The following FRMD5 variants were observed in gnomAD, a reference collection of about 807,000 sequenced individuals.
FRMD5 encodes the protein FERM domain-containing protein 5.
A neutral mutation model predicts 69.0 loss-of-function variants in FRMD5; 20 were observed. The ratio of observed to expected loss-of-function variants is 0.29; its 90% CI spans 0.20 to 0.42. The LOEUF is 0.42. Ranked by LOEUF, FRMD5 falls within the 10% of genes least tolerant of loss-of-function variation. The pLI is 1.00. For synonymous variants in FRMD5, 271 were observed against 260.1 expected (o/e 1.04, Z -0.40); for missense variants, 595 against 708.6 (o/e 0.84, Z 1.82).
At chr15:43,932,870 C>T (rs956593102) in intron 1 of FRMD5, among the ~76,000 whole-genome samples, 1 of 152,216 alleles carries the variant, frequency 6.6e-6, no homozygotes, top group East Asian at 1.9e-4. Context: ...CAGTCACACA[C>T]AGCTGCTGGC....
chr15:44,025,041 C>T (rs950633421), intron 1 of FRMD5, among the ~76,000 whole-genome samples: 1 of 152,176 alleles, frequency 6.6e-6, no homozygotes, highest in Admixed American at 6.5e-5. Context: ...GCTCTTTCAG[C>T]CTCAACTTCC....
intron 1 of FRMD5, among the ~76,000 whole-genome samples, chr15:44,078,581 C>T (rs1171299548): frequency 7.9e-5 from 12 of 152,146 alleles, no homozygotes; most frequent in Admixed American, 5.9e-4. Context: ...TAAGAACAGA[C>T]ATATAGACCA....
At position 43,874,050 on chromosome 15, in the gene FRMD5, G is replaced by C. The variant is rs150372050; in HGVS notation, c.1548C>G (p.Leu516=). Residue 516 remains leucine, a synonymous_variant, in exon 14 of 14, where the codon CTC becomes CTG. Transcript: ENST00000417257. ...LVTMGLLFVL[L]LLLIILTESD... ...ACTCGGTAAGGATGATCAGGAGGAG[G>C]AGCAAAACAAAGAGGAGTCCCATGG... is the stretch of plus-strand genomic sequence containing the variant. 7 of 1,614,226 alleles carry C rather than the reference G, an allele frequency of 4.3e-6. No homozygotes were observed. Among genetic ancestry groups the C allele is most frequent in the East Asian group, 4.5e-5 (2 of 44,890 alleles).
At chr15:44,086,566 T>C (rs116191957) in intron 1 of FRMD5, among the ~76,000 whole-genome samples, 14 of 152,132 alleles carry the variant, frequency 9.2e-5, no homozygotes, top group Admixed American at 2.6e-4. Context: ...AGGAGAGAAA[T>C]AGGAGTGACT....
intron 1 of FRMD5, among the ~76,000 whole-genome samples, chr15:44,191,897 A>ATT (rs2078199906): frequency 1.6e-4 from 1 of 6,368 alleles, no homozygotes; most frequent in Non-Finnish European, 2.3e-4. Flanking sequence ...TGGTAAATAT[A>ATT]TATATATATA....
chr15:44,180,855 T>TA (rs2077987498), intron 1 of FRMD5, among the ~76,000 whole-genome samples: 1 of 152,160 alleles, frequency 6.6e-6, no homozygotes, highest in African/African-American at 2.4e-5. Flanking sequence ...AGATTATAAT[T>TA]GATAATTATA....
intron 5 of FRMD5, among the ~76,000 whole-genome samples, chr15:43,909,213 G>A (rs940615605): frequency 3.3e-5 from 5 of 151,780 alleles, no homozygotes; most frequent in Non-Finnish European, 5.9e-5. Context: ...TGGCCAACAC[G>A]GTGAAACTCC....
intron 2 of FRMD5, among the ~76,000 whole-genome samples, chr15:43,922,153 C>T (rs771622470): frequency 1.3e-5 from 2 of 152,200 alleles, no homozygotes; most frequent in Non-Finnish European, 2.9e-5. Flanking sequence ...CTTTCAGAGG[C>T]TATCAGTTAT....
At chr15:44,022,306 G>A (rs556225363) in intron 1 of FRMD5, among the ~76,000 whole-genome samples, 16 of 151,840 alleles carry the variant, frequency 1.1e-4, no homozygotes, top group African/African-American at 3.9e-4. Context: ...TTGCTCATGC[G>A]TGTAATCCAG....
chr15:43,983,816 T>G (rs180753924), intron 1 of FRMD5, among the ~76,000 whole-genome samples: 2 of 152,324 alleles, frequency 1.3e-5, no homozygotes, highest in Non-Finnish European at 1.5e-5. Flanking sequence ...AAATGTCATG[T>G]CACTGTGAAA....
chr15:44,106,634 T>A (rs1187251182), intron 1 of FRMD5, among the ~76,000 whole-genome samples: 1 of 152,152 alleles, frequency 6.6e-6, no homozygotes, highest in Non-Finnish European at 1.5e-5. Flanking sequence ...ACCAGTAACA[T>A]AATCACAAGT....
At chr15:43,941,730 C>T (rs1399642610) in intron 1 of FRMD5, among the ~76,000 whole-genome samples, 1 of 152,156 alleles carries the variant, frequency 6.6e-6, no homozygotes, top group African/African-American at 2.4e-5. Context: ...AGAACTGAAA[C>T]TAATTCTGCA....
At chr15:44,114,337 G>A (rs898474306) in intron 1 of FRMD5, among the ~76,000 whole-genome samples, 1 of 152,136 alleles carries the variant, frequency 6.6e-6, no homozygotes, top group South Asian at 2.1e-4. Context: ...TCCTCGCTAA[G>A]GTATAATGAA....
chr15:44,135,028 T>G (rs1157283800), intron 1 of FRMD5, among the ~76,000 whole-genome samples: 1 of 152,140 alleles, frequency 6.6e-6, no homozygotes, highest in Admixed American at 6.5e-5. Flanking sequence ...GAAAAGAGAC[T>G]ATTGAGGGAT....
Position 43,883,741 on chromosome 15 carries a change from C to T in FRMD5, c.1097G>A (p.Arg366Lys). The T allele has an allele frequency of 6.2e-7, 1 of 1,613,836 alleles. No individual in the cohort carries two copies. Among genetic ancestry groups the T allele is most frequent in the Admixed American group, 1.7e-5 (1 of 59,968 alleles). ...GATGTGAACAGCTCTTCTGCGGGTC[C>T]TGGGGACGCTGCTCAGCCTTGGGCC... ...THGPRLSSVP[R>K]TRRRAVHISI... Residue 366 changes from arginine (R) to lysine (K), a missense_variant, in exon 13 of 14, where the codon AGG becomes AAG. Around this residue, in one of 5 missense-constraint regions of FRMD5, gnomAD observed 176 missense variants for 266.3 expected, o/e 0.66. Transcript: ENST00000417257.
intron 1 of FRMD5, among the ~76,000 whole-genome samples, chr15:43,969,424 C>T (rs1263203559): frequency 7.2e-5 from 11 of 152,138 alleles, no homozygotes; most frequent in Non-Finnish European, 1.3e-4. Context: ...TACAGCCATG[C>T]ACATTCATTC....
chr15:43,913,324 A>C (rs2089323652), intron 4 of FRMD5, among the ~76,000 whole-genome samples: 4 of 152,242 alleles, frequency 2.6e-5, no homozygotes, highest in Admixed American at 6.5e-5. Context: ...GAAGAGGGAA[A>C]AGGATACACC....
intron 1 of FRMD5, among the ~76,000 whole-genome samples, chr15:43,976,842 T>C: frequency 6.6e-6 from 1 of 151,776 alleles, no homozygotes; most frequent in Non-Finnish European, 1.5e-5. Context: ...TTTTTTTTTT[T>C]TTCTTTTGAG....
At chr15:43,897,625 A>G (rs1365096718) in intron 7 of FRMD5, among the ~76,000 whole-genome samples, 2 of 151,812 alleles carry the variant, frequency 1.3e-5, no homozygotes, top group Admixed American at 1.3e-4. Flanking sequence ...GGACAGTGTA[A>G]TTTTATTTTT....
Sources: gnomAD v4.1 joint callset for allele counts (sites outside exome capture counted in the v4.1 genomes callset) on GRCh38, gnomAD v4.1.1 for gene constraint, gnomAD v4.1.1 regional missense constraint, MANE v1.5 for transcripts, NCBI Gene and HGNC (gene_info 2026-07-23, HGNC 2026-07-21) for gene names.